STK32B: variants seen among roughly 807,000 people sequenced by gnomAD.
STK32B encodes the protein serine/threonine-protein kinase 32B.
In STK32B, 43 loss-of-function variants were observed where a neutral mutation model predicts 52.6. That is an observed-to-expected ratio of 0.82 (90% CI 0.64 to 1.05). The LOEUF is 1.05. Ranked by LOEUF, STK32B falls within the 50% of genes least tolerant of loss-of-function variation. The pLI is 0.00. For synonymous variants in STK32B, 238 were observed against 204.3 expected, an observed-to-expected ratio of 1.17 and a Z score of -1.41; for missense variants, 621 against 534.6, an observed-to-expected ratio of 1.16 and a Z score of -1.59.
At chr4:5,451,519 A>T (rs1715991862) in intron 7 of STK32B, among the ~76,000 whole-genome samples, 1 of 152,206 alleles carries the variant, frequency 6.6e-6, no homozygotes, top group Non-Finnish European at 1.5e-5. Flanking sequence ...TCTGGGTTCA[A>T]ATCCTGACTT....
chr4:5,302,222 C>T (rs1256186157), intron 3 of STK32B, among the ~76,000 whole-genome samples: 2 of 145,798 alleles, frequency 1.4e-5, no homozygotes, highest in African/African-American at 5.4e-5. Context: ...AAAAAAAAAT[C>T]ACAAAGAATT....
chr4:5,176,194 G>T lies in STK32B; in HGVS notation c.260+7744G>T, dbSNP rs143650537. Among the ~76,000 whole-genome samples the T allele has an allele frequency of 3.1e-3, 472 of 152,274 alleles. 6 individuals carry two copies. In the East Asian group the frequency reaches 0.052, roughly 17 times the overall value. ...GAGTGACCCGATTTTCCAGGTGCCG[G>T]CTGTTACCCCTTTCTTTGTCTGGGA... On this transcript the variant is annotated intron_variant, in intron 3 of 11. Transcript: ENST00000282908.
Position 5,499,155 on chromosome 4 carries a change from C to A in STK32B, c.*72C>A. 1 of 1,496,232 alleles carries A rather than the reference C, an allele frequency of 6.7e-7. No homozygotes were observed. Among genetic ancestry groups the A allele is most frequent in the Non-Finnish European group, 9.0e-7 (1 of 1,115,722 alleles). 92.7% of individuals were successfully genotyped at this position (1,496,232 alleles called of 1,614,324 possible). On this transcript the variant is annotated 3_prime_UTR_variant, in exon 12 of 12. Transcript: ENST00000282908. ...GCCCACCCAGAGCCCCTCTTTGTGC[C>A]CTGATGGTCCCTGTCTCACCCCTGA...
rs773227004 is a variant in STK32B at position 5,058,090 on chromosome 4, C to G, written c.52+6175C>G. ...CTCAGTCCTTGATTTTTGTGACCTCCTTGGAGTACCCTTATGCATTGAAGA... is the reference window on the plus strand; with the variant it reads ...CTCAGTCCTTGATTTTTGTGACCTCGTTGGAGTACCCTTATGCATTGAAGA... On this transcript the variant is annotated intron_variant, in intron 1 of 11. Coordinates refer to ENST00000282908, the MANE Select transcript of STK32B (RefSeq NM_018401.3). The surrounding 1 kb of genome is among the most constrained non-coding windows in gnomAD (Gnocchi z 4.8). Among the ~76,000 whole-genome samples the G allele has an allele frequency of 6.6e-6, 1 of 152,164 alleles. No homozygotes were observed. The highest frequency in any genetic ancestry group is 1.5e-5 in the Non-Finnish European group (1 of 68,012).
Position 5,484,240 on chromosome 4 carries a change from T to A in STK32B, c.1107-14705T>A, listed in dbSNP as rs577700971. Among the ~76,000 whole-genome samples the A allele has an allele frequency of 2.0e-3, 310 of 152,326 alleles. 2 individuals carry two copies. The highest frequency in any genetic ancestry group is 7.0e-3 in the African/African-American group (293 of 41,572). ...TGGTGTCTCAGTCTCTTTGTAGGTC[T>A]CTAAGGACTTGCTCTATGAATCTGG... On this transcript the variant is annotated intron_variant, in intron 11 of 11. Coordinates refer to ENST00000282908, the MANE Select transcript of STK32B (RefSeq NM_018401.3).
intron 8 of STK32B, among the ~76,000 whole-genome samples, chr4:5,457,887 G>A (rs183369374): frequency 7.9e-5 from 11 of 138,860 alleles, no homozygotes; most frequent in Admixed American, 4.4e-4. Context: ...GAGGCGAGGC[G>A]GAAGGGAGGG....
intron 4 of STK32B, among the ~76,000 whole-genome samples, chr4:5,336,724 A>C (rs1274293321): frequency 2.0e-5 from 3 of 152,232 alleles, no homozygotes; most frequent in Non-Finnish European, 4.4e-5. Flanking sequence ...AAAGTTAAAG[A>C]ATCTACAGAT....
chr4:5,275,160 C>A (rs147450105), intron 3 of STK32B, among the ~76,000 whole-genome samples: 2,322 of 152,266 alleles, frequency 0.015, 60 homozygotes, highest in African/African-American at 0.052. Context: ...AGTGGCCTGC[C>A]ACCATCTTGG....
At chr4:5,170,021 C>T (rs1719231451) in intron 3 of STK32B, among the ~76,000 whole-genome samples, 1 of 152,116 alleles carries the variant, frequency 6.6e-6, no homozygotes, top group Admixed American at 6.6e-5. Context: ...TTACTGCAAA[C>T]TCTTTGTAAA....
chr4:5,159,609 G>T (rs1325186479), intron 2 of STK32B, among the ~76,000 whole-genome samples: 1 of 95,892 alleles, frequency 1.0e-5, no homozygotes, highest in African/African-American at 5.6e-5. Context: ...ATATATATAT[G>T]AATATATATG....
At chr4:5,497,710 G>A (rs75997435) in intron 11 of STK32B, among the ~76,000 whole-genome samples, 5 of 148,908 alleles carry the variant, frequency 3.4e-5, no homozygotes, top group South Asian at 4.2e-4. Flanking sequence ...CCCACTGTGC[G>A]CACACACACA....
intron 3 of STK32B, among the ~76,000 whole-genome samples, chr4:5,300,278 A>G (rs1729473549): frequency 6.6e-6 from 1 of 152,142 alleles, no homozygotes; most frequent in Non-Finnish European, 1.5e-5. Context: ...GAAAGAACAC[A>G]CCTCAAAATA....
chr4:5,361,538 ATTTTTC>A (rs1734549568), intron 4 of STK32B, among the ~76,000 whole-genome samples: 6 of 151,978 alleles, frequency 3.9e-5, no homozygotes, highest in African/African-American at 1.5e-4. Flanking sequence ...TGCCCAGCTA[ATTTTTC>A]TATAGAGATG....
intron 2 of STK32B, 111 bp downstream of exon 2, chr4:5,140,071 C>T: frequency 6.8e-7 from 1 of 1,479,158 alleles, no homozygotes; most frequent in South Asian, 1.2e-5. Flanking sequence ...AAGATTTCGA[C>T]TTGACAAACT....
chr4:5,205,022 T>G (rs1560224137), intron 3 of STK32B, among the ~76,000 whole-genome samples: 1 of 152,194 alleles, frequency 6.6e-6, no homozygotes, highest in Non-Finnish European at 1.5e-5. Flanking sequence ...CTCCCCAGTG[T>G]GGGAAGTCAT....
chr4:5,053,765 C>T (rs968459245), intron 1 of STK32B, among the ~76,000 whole-genome samples: 9 of 151,996 alleles, frequency 5.9e-5, no homozygotes, highest in African/African-American at 1.9e-4. Flanking sequence ...GACGGATCAC[C>T]TGAGGTCAGG....
At position 5,398,920 on chromosome 4, in the gene STK32B, A is replaced by G. The variant is rs534881659; in HGVS notation, c.472+676A>G. ...AAGGCACCAAGTCAGTGGCTCTCCA[A>G]CTCTGGCCTTACCAGAATTACCTGG... On this transcript the variant is annotated intron_variant, in intron 5 of 11. Transcript: ENST00000282908. The surrounding 1 kb of genome is among the most constrained non-coding windows in gnomAD (Gnocchi z 4.9). Among the ~76,000 whole-genome samples the G allele has an allele frequency of 2.0e-5, 3 of 152,068 alleles. No individual in the cohort carries two copies. Among genetic ancestry groups the G allele is most frequent in the Non-Finnish European group, 4.4e-5 (3 of 68,012 alleles).
At chr4:5,295,905 G>A (rs994240795) in intron 3 of STK32B, among the ~76,000 whole-genome samples, 5 of 151,974 alleles carry the variant, frequency 3.3e-5, no homozygotes, top group African/African-American at 1.2e-4. Flanking sequence ...TGGGCATTTA[G>A]TCCTATAAAT....
intron 11 of STK32B, among the ~76,000 whole-genome samples, chr4:5,492,171 G>A (rs1336054427): frequency 2.0e-5 from 3 of 152,170 alleles, no homozygotes; most frequent in African/African-American, 4.8e-5. Flanking sequence ...ACCTTGGGCA[G>A]TATGGCCATT....
Sources: allele counts gnomAD v4.1 joint callset (sites outside exome capture counted in the v4.1 genomes callset), GRCh38; gene constraint gnomAD v4.1.1; non-coding constraint Gnocchi (gnomAD v3.1); transcripts MANE v1.5; gene names NCBI Gene and HGNC (gene_info 2026-07-23, HGNC 2026-07-21).